The following KLHDC4 variants were observed in gnomAD, a reference collection of about 807,000 sequenced individuals.
KLHDC4 encodes kelch domain containing 4, also known as kelch domain-containing protein 4.
A neutral mutation model predicts 62.4 loss-of-function variants in KLHDC4; 90 were observed. The ratio of observed to expected loss-of-function variants is 1.44; its 90% CI spans 1.22 to 1.72. The LOEUF (loss-of-function observed/expected upper bound fraction) is 1.72, where lower values mean the gene tolerates loss of function less well. KLHDC4 is among the 40% of genes most tolerant of loss of function. The pLI, the probability that KLHDC4 is intolerant of heterozygous loss-of-function variation, is 0.00. For synonymous variants in KLHDC4, 386 were observed against 284.4 expected, an observed-to-expected ratio of 1.36 and a Z score of -3.59; for missense variants, 1,025 against 699.7, an observed-to-expected ratio of 1.47 and a Z score of -5.25.
At chr16:87,734,731 G>C (rs1230033260) in intron 5 of KLHDC4, among the ~76,000 whole-genome samples, 1 of 152,154 alleles carries the variant, frequency 6.6e-6, no homozygotes, top group Non-Finnish European at 1.5e-5. Flanking sequence ...CAGGATCTCA[G>C]CTCACTAAGT....
At chr16:87,721,387 C>CTGGGGGATAG (rs2038294765) in intron 7 of KLHDC4, among the ~76,000 whole-genome samples, 2 of 141,430 alleles carry the variant, frequency 1.4e-5, no homozygotes, top group South Asian at 4.5e-4. Context: ...GCACTCCAGC[C>CTGGGGGATAG]TGGGGGATAG....
In KLHDC4 at chr16:87,708,056, C is replaced by T. The variant is rs2290019; in HGVS notation, c.*21G>A. On this transcript the variant is annotated 3_prime_UTR_variant, in exon 12 of 12. Coordinates refer to ENST00000270583, the MANE Select transcript of KLHDC4 (RefSeq NM_017566.4). Reference sequence around the variant, plus strand: ...GGACGTGGGCACAGCACTTGCCAGGCGCCCCTGGCAGGGGCTCTTCTGATA... The same window carrying T: ...GGACGTGGGCACAGCACTTGCCAGGTGCCCCTGGCAGGGGCTCTTCTGATA... The T allele has an allele frequency of 3.1e-5, 17 of 542,076 alleles. No homozygotes were observed. Among genetic ancestry groups the T allele is most frequent in the African/African-American group, 1.9e-4 (10 of 53,272 alleles). The allele number at this position is 542,076 out of a possible 1,614,324, so 33.6% of individuals were successfully genotyped here. A position where few individuals can be genotyped will look rare whatever the true frequency, so the allele number is the denominator to read the frequency against.
At chr16:87,708,240 A>G (rs1253468129) in intron 11 of KLHDC4, 110 bp downstream of exon 11, 2 of 751,588 alleles carry the variant, frequency 2.7e-6, no homozygotes, top group Admixed American at 2.8e-5. Flanking sequence ...CCACACACCA[A>G]CGTTTTTAAA....
intron 6 of KLHDC4, among the ~76,000 whole-genome samples, chr16:87,728,950 A>AT (rs1475911302): frequency 6.6e-6 from 1 of 151,920 alleles, no homozygotes; most frequent in Admixed American, 6.6e-5. Context: ...AATTTTTTGT[A>AT]TTTTTTAGTA....
intron 5 of KLHDC4, among the ~76,000 whole-genome samples, chr16:87,732,045 G>A (rs977629210): frequency 1.3e-5 from 2 of 151,924 alleles, no homozygotes; most frequent in African/African-American, 4.8e-5. Context: ...TCTCTGGGGT[G>A]ACAAGGGCCT....
chr16:87,752,212 G>T (rs2044109933), intron 4 of KLHDC4, among the ~76,000 whole-genome samples: 1 of 148,536 alleles, frequency 6.7e-6, no homozygotes, highest in South Asian at 2.1e-4. Context: ...TTCAACACTT[G>T]CCTGGGCAAT....
At chr16:87,762,616 G>C (rs973684282) in intron 1 of KLHDC4, among the ~76,000 whole-genome samples, 7 of 152,254 alleles carry the variant, frequency 4.6e-5, no homozygotes, top group African/African-American at 1.7e-4. Flanking sequence ...CTTGTGTCTA[G>C]TTAAAACACT....
At chr16:87,708,675 A>C (rs2035145224) in intron 10 of KLHDC4, 1 of 416,512 alleles carries the variant, frequency 2.4e-6, no homozygotes, top group Admixed American at 4.0e-5. Flanking sequence ...CCGAGACGGC[A>C]AACATGCAAA....
chr16:87,735,775 C>T (rs2041207759), intron 5 of KLHDC4, among the ~76,000 whole-genome samples: 2 of 152,184 alleles, frequency 1.3e-5, no homozygotes, highest in Non-Finnish European at 2.9e-5. Context: ...ATGGACAGCA[C>T]AAAATACAGG....
Position 87,755,212 on chromosome 16 carries a change from C to T in KLHDC4, c.351G>A (p.Pro117=), listed in dbSNP as rs750472627. The stretch of plus-strand genomic sequence containing the variant: ...ACATTACCTGGTGAGCACAGCGCCT[C>T]GGAGGTGGACTGGGGATGTCAACTT... ...WTKVDIPSPP[P]RRCAHQAVVV... is the part of the protein sequence containing the mutation. Residue 117 remains proline (P), a synonymous_variant, in exon 4 of 12, where the codon CCG becomes CCA. Coordinates refer to ENST00000270583, the MANE Select transcript of KLHDC4 (RefSeq NM_017566.4). 1.5e-5 allele frequency: 24 copies of T among 1,609,838 alleles called. No homozygotes were observed. Among genetic ancestry groups the T allele is most frequent in the Non-Finnish European group, 1.8e-5 (21 of 1,176,416 alleles).
At chr16:87,746,419 T>TTAA (rs1406535164) in intron 5 of KLHDC4, among the ~76,000 whole-genome samples, 2 of 151,472 alleles carry the variant, frequency 1.3e-5, no homozygotes, top group African/African-American at 4.9e-5. Context: ...GAGAGAAAGA[T>TTAA]TAAGCGCACA....
intron 5 of KLHDC4, among the ~76,000 whole-genome samples, chr16:87,744,955 A>G (rs2042815271): frequency 6.7e-6 from 1 of 148,352 alleles, no homozygotes; most frequent in African/African-American, 2.5e-5. Flanking sequence ...ACATATGCTC[A>G]CACGTGCACA....
exon 1 of KLHDC4, chr16:87,698,549 G>A (rs1474822429): frequency 2.0e-5 from 3 of 152,232 alleles, no homozygotes. Flanking sequence ...TAGGCCTAGG[G>A]GCAGTCAGCT....
intron 5 of KLHDC4, among the ~76,000 whole-genome samples, chr16:87,742,374 A>C (rs1228564262): frequency 1.3e-5 from 2 of 152,210 alleles, no homozygotes; most frequent in African/African-American, 4.8e-5. Context: ...ATCATTAGTA[A>C]CTTACAAAAG....
rs369702729 is a variant in KLHDC4, at chr16:87,711,378, C to T, written c.901G>A (p.Val301Met). ...VKPTPRSGFS[V>M]AMAPNHQTLF... Reference sequence around the variant, plus strand: ...GTCTGGTGATTCGGGGCCATGGCCACGGAAAAGCCAGACCGTGGGGTGGGC... The same window carrying T: ...GTCTGGTGATTCGGGGCCATGGCCATGGAAAAGCCAGACCGTGGGGTGGGC... The change falls in exon 9 of 12, where the codon GTG (valine) becomes ATG (methionine). Residue 301 changes from valine to methionine, a missense_variant. Coordinates refer to ENST00000270583, the MANE Select transcript of KLHDC4 (RefSeq NM_017566.4). 126 of 1,613,764 alleles carry T rather than the reference C, an allele frequency of 7.8e-5. No homozygotes were observed. Among genetic ancestry groups the T allele is most frequent in the African/African-American group, 4.5e-4 (34 of 75,036 alleles).
chr16:87,719,995 C>G, intron 7 of KLHDC4, among the ~76,000 whole-genome samples: 1 of 152,078 alleles, frequency 6.6e-6, no homozygotes, highest in Admixed American at 6.5e-5. Flanking sequence ...GCCACATCCC[C>G]TGATGAGACC....
At chr16:87,765,026 T>TCCGA (rs780951558) in intron 1 of KLHDC4, 35 of 430,702 alleles carry the variant, frequency 8.1e-5, no homozygotes, top group African/African-American at 6.4e-4. Flanking sequence ...CACCTGTTGG[T>TCCGA]CTTCCTGTCA....
At chr16:87,736,481 G>C (rs779203019) in intron 5 of KLHDC4, among the ~76,000 whole-genome samples, 23 of 152,182 alleles carry the variant, frequency 1.5e-4, no homozygotes, top group Non-Finnish European at 2.9e-4. Flanking sequence ...GAGAGCCCCT[G>C]TCTTTCAAAA....
At position 87,765,961 on chromosome 16, in the gene KLHDC4, T is replaced by A; in HGVS notation, c.-71A>T. 1 of 1,441,480 alleles carries A rather than the reference T, an allele frequency of 6.9e-7. No homozygotes were observed. The highest frequency in any genetic ancestry group is 9.5e-7 in the Non-Finnish European group (1 of 1,054,132). 89.3% of individuals were successfully genotyped at this position (1,441,480 alleles called of 1,614,324 possible). A position where few individuals can be genotyped will look rare whatever the true frequency, so the allele number is the denominator to read the frequency against. On this transcript the variant is annotated 5_prime_UTR_variant, in exon 1 of 12. Coordinates refer to ENST00000270583, the MANE Select transcript of KLHDC4 (RefSeq NM_017566.4). ...CCCGCGCTCTCCGCTCGGAAACAGG[T>A]GCTCGTGGGGCGGAGCTCGGCGCAC...
Sources: allele counts gnomAD v4.1 joint callset (sites outside exome capture counted in the v4.1 genomes callset), GRCh38; gene constraint gnomAD v4.1.1; transcripts MANE v1.5; gene names NCBI Gene and HGNC (gene_info 2026-07-23, HGNC 2026-07-21).